Variants in FLG observed in about 807,000 individuals in gnomAD.
FLG encodes filaggrin.
In FLG, 6 loss-of-function variants were observed where a neutral mutation model predicts 3.8. The observed-to-expected ratio is 1.60, with a 90% CI of 0.87 to 3.15. The LOEUF (loss-of-function observed/expected upper bound fraction) is 3.15, where lower values mean the gene tolerates loss of function less well. Among genes scored for constraint, FLG ranks in the 30% most tolerant of loss-of-function variants. The pLI is 0.00. For missense variants in FLG, 7,595 were observed against 5,050.9 expected (o/e 1.50, Z -15.27); for synonymous variants, 2,551 against 1,931.6 (o/e 1.32, Z -8.41).
In FLG at chr1:152,307,643, G is replaced by A. The variant is rs766035407; in HGVS notation, c.7243C>T (p.Leu2415Phe). 4 of 1,613,582 alleles carry A rather than the reference G, an allele frequency of 2.5e-6. No individual in the cohort carries two copies. In the South Asian group the frequency reaches 3.3e-5, roughly 13 times the overall value. ...TGTTCATGAGTGCTCACCTGGTAGA[G>A]GAAAGACCCTGAACGTCCAGACCTT... ...AGRSGRSGSF[L>F]YQVSTHEQSE... is the part of the protein sequence containing the mutation. The change falls in exon 3 of 3, where the codon CTC (leucine) becomes TTC (phenylalanine). Residue 2415 changes from leucine (L) to phenylalanine (F), a missense_variant. Physicochemically the swap from Leu to Phe is conservative, Grantham distance 22. Coordinates refer to ENST00000368799, the MANE Select transcript of FLG (RefSeq NM_002016.2).
intron 1 of FLG, among the ~76,000 whole-genome samples, chr1:152,317,005 A>T (rs942045938): frequency 5.9e-5 from 9 of 152,008 alleles, no homozygotes; most frequent in African/African-American, 1.2e-4. Context: ...TGATCTCCCA[A>T]CCTACTACAT....
At chr1:152,318,740 G>C (rs181763407) in intron 1 of FLG, among the ~76,000 whole-genome samples, 1 of 151,844 alleles carries the variant, frequency 6.6e-6, no homozygotes, top group African/African-American at 2.4e-5. Flanking sequence ...GCTACTAAAG[G>C]GTTAGGCACT....
Position 152,309,235 on chromosome 1 carries a change from C to T in FLG, c.5651G>A (p.Arg1884His), listed in dbSNP as rs149499035. The T allele has an allele frequency of 1.4e-4, 229 of 1,613,208 alleles. No homozygotes were observed. The highest frequency in any genetic ancestry group is 5.0e-4 in the Admixed American group (30 of 59,900). ...GGCCCGAGAGGAAGCTTCATGGTGA[C>T]GCGACCCTGAGTGCCTGGAGCCGTC... ...SGDGSRHSGS[R>H]HHEASSRADS... Residue 1884 changes from arginine (R) to histidine (H), a missense_variant, in exon 3 of 3, where the codon CGT becomes CAT. By Grantham distance (29) the Arg-to-His change is conservative (BLOSUM62 0). Coordinates refer to ENST00000368799, the MANE Select transcript of FLG (RefSeq NM_002016.2).
chr1:152,305,105 T>A lies in FLG; in HGVS notation c.9781A>T (p.Arg3261Ter), dbSNP rs1361919072. 1.9e-6 allele frequency: 3 copies of A among 1,613,812 alleles called. No individual in the cohort carries two copies. In the Admixed American group the frequency reaches 5.0e-5, roughly 27 times the overall value. The change falls in exon 3 of 3, where the codon AGA becomes TGA. Residue 3261 changes from arginine to a stop codon, truncating the protein, a stop_gained. Coordinates refer to ENST00000368799, the MANE Select transcript of FLG (RefSeq NM_002016.2). LOFTEE classifies it low-confidence loss of function (END_TRUNC). ...SRHPRSHHED[R>*]AGHGHSADRS... ...TCTGCAGAGTGCCCGTGACCGGCTCTGTCTTCGTGATGGGACCTGGGGTGT... is the reference window on the plus strand; with the variant it reads ...TCTGCAGAGTGCCCGTGACCGGCTCAGTCTTCGTGATGGGACCTGGGGTGT...
In FLG at chr1:152,308,097, C is replaced by G. The variant is rs76471961; in HGVS notation, c.6789G>C (p.Ala2263=). 3.8e-6 allele frequency: 6 copies of G among 1,564,394 alleles called. No individual in the cohort carries two copies. The highest frequency in any genetic ancestry group is 3.7e-5 in the Admixed American group (2 of 54,026). The change falls in exon 3 of 3, where the codon GCG becomes GCC. Residue 2263 remains alanine (A), a synonymous_variant. Coordinates refer to ENST00000368799, the MANE Select transcript of FLG (RefSeq NM_002016.2). ...GAGCAGATCCATGATGGTTTCTGGA[C>G]GCAGACCCAGACCGCCTCTCAGAAT... ...SEDSERRSGS[A]SRNHHGSAQE...
In FLG at chr1:152,307,536, G is replaced by T. The variant is rs1652060797; in HGVS notation, c.7350C>A (p.Ser2450=). The T allele has an allele frequency of 6.2e-7, 1 of 1,613,748 alleles. No individual in the cohort carries two copies. Residue 2450 remains serine (S), a synonymous_variant, in exon 3 of 3, where the codon TCC becomes TCA. Coordinates refer to ENST00000368799, the MANE Select transcript of FLG (RefSeq NM_002016.2). ...GACCCTCTTGGGACGTTGAGTGCCT[G>T]GAGCTGTCTCGTGCCTGCTTGTGGT... ...GSHHKQARDS[S]RHSTSQEGQD...
Position 152,313,902 on chromosome 1 carries a change from C to G in FLG, c.984G>C (p.Gln328His), listed in dbSNP as rs1456759148. The G allele has an allele frequency of 6.2e-7, 1 of 1,613,926 alleles. No individual in the cohort carries two copies. The highest frequency in any genetic ancestry group is 8.5e-7 in the Non-Finnish European group (1 of 1,180,004). Residue 328 changes from glutamine to histidine, a missense_variant, in exon 3 of 3, where the codon CAG becomes CAC. Gln to His is a conservative substitution (Grantham distance 24). Transcript: ENST00000368799. ...SRNHHGSAWEQSRDGSRHPRS... is the reference protein window; with the variant it reads ...SRNHHGSAWEHSRDGSRHPRS... ...TGGGGTGTCTGGAGCCATCTCTTGA[C>G]TGCTCCCACGCAGATCCATGATGGT...
At position 152,308,488 on chromosome 1, in the gene FLG, T is replaced by A. The variant is rs760141241; in HGVS notation, c.6398A>T (p.Glu2133Val). 6.2e-7 allele frequency: 1 copy of A among 1,613,714 alleles called. No homozygotes were observed. Among genetic ancestry groups the A allele is most frequent in the South Asian group, 1.1e-5 (1 of 91,046 alleles). Residue 2133 changes from glutamate to valine, a missense_variant, in exon 3 of 3, where the codon GAG becomes GTG. Glu to Val is a moderately radical substitution (Grantham distance 121, BLOSUM62 -2). Coordinates refer to ENST00000368799, the MANE Select transcript of FLG (RefSeq NM_002016.2). Reference protein sequence around the residue: ...QDSSRHSASQEGQDTIRGHPG... With the variant: ...QDSSRHSASQVGQDTIRGHPG... Reference sequence around the variant, plus strand: ...GTGTCCACGAATGGTGTCCTGACCCTCTTGGGATGCTGAGTGCCTGGAGCT... The same window carrying A: ...GTGTCCACGAATGGTGTCCTGACCCACTTGGGATGCTGAGTGCCTGGAGCT...
Position 152,310,049 on chromosome 1 carries a change from A to G in FLG, c.4837T>C (p.Ser1613Pro). The change falls in exon 3 of 3, where the codon TCG becomes CCG. Residue 1613 changes from serine (S) to proline (P), a missense_variant. Coordinates refer to ENST00000368799, the MANE Select transcript of FLG (RefSeq NM_002016.2). Reference sequence around the variant, plus strand: ...GATCCATAATGGTTTCTGGAAGCCGACTCAGACCGCCTCTCAGAGTCTTCT... The same window carrying G: ...GATCCATAATGGTTTCTGGAAGCCGGCTCAGACCGCCTCTCAGAGTCTTCT... ...HSEDSERRSE[S>P]ASRNHYGSAR... 1 of 1,613,444 alleles carries G rather than the reference A, an allele frequency of 6.2e-7. No homozygotes were observed. The highest frequency in any genetic ancestry group is 2.2e-5 in the East Asian group (1 of 44,810).
In FLG at chr1:152,302,982, AC is replaced by A; in HGVS notation, c.11903del (p.Gly3968ValfsTer5). The A allele has an allele frequency of 6.2e-7, 1 of 1,614,120 alleles. No homozygotes were observed. Among genetic ancestry groups the A allele is most frequent in the Non-Finnish European group, 8.5e-7 (1 of 1,180,030 alleles). Reference sequence around the variant, plus strand: ...CATGTCTCCAAACTAAACCTGATTGACCTTTTTGCCTTTCAGTGCCCTCAGA... The same window carrying A: ...CATGTCTCCAAACTAAACCTGATTGACTTTTTGCCTTTCAGTGCCCTCAGA... ...YQSEGTERQKGQSGLVWRHGS... is the reference protein window; with the variant it reads ...YQSEGTERQKXQSGLVWRHGS... On this transcript the variant is annotated frameshift_variant, in exon 3 of 3. Transcript: ENST00000368799. LOFTEE classifies it low-confidence loss of function (END_TRUNC).
At chr1:152,318,358 A>G (rs1652853768) in intron 1 of FLG, among the ~76,000 whole-genome samples, 1 of 151,948 alleles carries the variant, frequency 6.6e-6, no homozygotes, top group South Asian at 2.1e-4. Flanking sequence ...CCTCATCATC[A>G]TCATCTTACT....
chr1:152,311,709 T>C lies in FLG; in HGVS notation c.3177A>G (p.Arg1059=). Residue 1059 remains arginine (R), a synonymous_variant, in exon 3 of 3, where the codon AGA becomes AGG. Transcript: ENST00000368799. ...IPRRQASSAV[R]DSGHWGSSGS... ...CACTGGACCCCCAGTGTCCACTGTCTCTGACTGCAGATGAAGCTTGTCTGC... is the reference window on the plus strand; with the variant it reads ...CACTGGACCCCCAGTGTCCACTGTCCCTGACTGCAGATGAAGCTTGTCTGC... The C allele has an allele frequency of 6.2e-7, 1 of 1,614,036 alleles. No homozygotes were observed. Among genetic ancestry groups the C allele is most frequent in the Non-Finnish European group, 8.5e-7 (1 of 1,180,004 alleles).
rs765379507 is a variant in FLG at position 152,309,463 on chromosome 1, T to C, written c.5423A>G (p.Glu1808Gly). 17 of 1,613,316 alleles carry C rather than the reference T, an allele frequency of 1.1e-5. No individual in the cohort carries two copies. The Admixed American group carries it at 2.8e-4, about 27-fold the overall frequency. Residue 1808 changes from glutamate (E) to glycine (G), a missense_variant, in exon 3 of 3, where the codon GAG becomes GGG. Physicochemically the swap from Glu to Gly is moderately conservative, Grantham distance 98. Transcript: ENST00000368799. ...GTGTCCACGAATGGTGTCCTGACCC[T>C]CTTGGGACGCTGAGTGCCTGGAGCT... ...RDSSRHSASQEGQDTIRGHPG... is the reference protein window; with the variant it reads ...RDSSRHSASQGGQDTIRGHPG...
chr1:152,304,397 C>T lies in FLG; in HGVS notation c.10489G>A (p.Asp3497Asn), dbSNP rs200955772. Residue 3497 changes from aspartate to asparagine, a missense_variant, in exon 3 of 3, where the codon GAT becomes AAT. Coordinates refer to ENST00000368799, the MANE Select transcript of FLG (RefSeq NM_002016.2). ...RQTRNDEQSG[D>N]GSRHSWSHHH... ...TGCGACCATGAGTGCCTGGAGCCAT[C>T]TCCTGATTGTTCGTCATTACGAGTT... 6.2e-7 allele frequency: 1 copy of T among 1,611,824 alleles called. No individual in the cohort carries two copies. The highest frequency in any genetic ancestry group is 8.5e-7 in the Non-Finnish European group (1 of 1,179,112).
rs755099094 is a variant in FLG at position 152,310,378 on chromosome 1, G to T, written c.4508C>A (p.Ser1503Tyr). 9.3e-6 allele frequency: 15 copies of T among 1,613,620 alleles called. No homozygotes were observed. The highest frequency in any genetic ancestry group is 1.7e-5 in the Admixed American group (1 of 59,942). ...CCTATCTACTGATTGCTCGTGGTAG[G>T]ATCCCTGCCTTCCTCCTCTGCTTGA... The part of the protein sequence containing the change: ...PGSSRGGRQG[S>Y]YHEQSVDRSG... The change falls in exon 3 of 3, where the codon TCC (serine) becomes TAC (tyrosine). Residue 1503 changes from serine to tyrosine, a missense_variant. Coordinates refer to ENST00000368799, the MANE Select transcript of FLG (RefSeq NM_002016.2).
Position 152,304,084 on chromosome 1 carries a change from T to C in FLG, c.10802A>G (p.His3601Arg), listed in dbSNP as rs1046527567. Residue 3601 changes from histidine (H) to arginine (R), a missense_variant, in exon 3 of 3, where the codon CAT (histidine) becomes CGT (arginine). Transcript: ENST00000368799. ...SAESSRQSGT[H>R]HAENSSGGQA... is the part of the protein sequence containing the mutation. ...TCCACCAGAGGAATTCTCTGCATGATGAGTGCCTGATTGTCTGGAGCTCTC... is the reference window on the plus strand; with the variant it reads ...TCCACCAGAGGAATTCTCTGCATGACGAGTGCCTGATTGTCTGGAGCTCTC... 1.7e-5 allele frequency: 28 copies of C among 1,611,232 alleles called. No homozygotes were observed. Among genetic ancestry groups the C allele is most frequent in the Middle Eastern group, 1.6e-4 (1 of 6,064 alleles).
Position 152,310,393 on chromosome 1 carries a change from C to G in FLG, c.4493G>C (p.Gly1498Ala), listed in dbSNP as rs374456748. 1.5e-5 allele frequency: 24 copies of G among 1,613,570 alleles called. No homozygotes were observed. The highest frequency in any genetic ancestry group is 2.0e-5 in the Non-Finnish European group (24 of 1,179,976). Residue 1498 changes from glycine (G) to alanine (A), a missense_variant, in exon 3 of 3, where the codon GGA becomes GCA. Coordinates refer to ENST00000368799, the MANE Select transcript of FLG (RefSeq NM_002016.2). ...CTCGTGGTAGGATCCCTGCCTTCCT[C>G]CTCTGCTTGACCCCGGGTGTCCACG... ...TIRGHPGSSR[G>A]GRQGSYHEQS...
chr1:152,320,456 GTTA>G (rs942863241), intron 1 of FLG, among the ~76,000 whole-genome samples: 1 of 150,854 alleles, frequency 6.6e-6, no homozygotes, highest in East Asian at 1.9e-4. Context: ...AAAGAAAGCT[GTTA>G]TTATTATATT....
chr1:152,311,097 G>T lies in FLG; in HGVS notation c.3789C>A (p.Ser1263Arg). The T allele has an allele frequency of 6.2e-7, 1 of 1,613,948 alleles. No homozygotes were observed. The highest frequency in any genetic ancestry group is 8.5e-7 in the Non-Finnish European group (1 of 1,179,990). ...GQEQSSGSRTSRHQGSSVSQD... is the reference protein window; with the variant it reads ...GQEQSSGSRTRRHQGSSVSQD... The stretch of plus-strand genomic sequence containing the variant: ...GGCTAACACTGGATCCCTGGTGCCT[G>T]CTTGTCCTGGACCCCGATGATTGTT... The change falls in exon 3 of 3, where the codon AGC (serine) becomes AGA (arginine). Residue 1263 changes from serine (S) to arginine (R), a missense_variant. Coordinates refer to ENST00000368799, the MANE Select transcript of FLG (RefSeq NM_002016.2).
Sources: allele counts gnomAD v4.1 joint callset (sites outside exome capture counted in the v4.1 genomes callset), GRCh38; gene constraint gnomAD v4.1.1; transcripts MANE v1.5; gene names NCBI Gene and HGNC (gene_info 2026-07-23, HGNC 2026-07-21).